The following WDFY2 variants were observed in gnomAD, a reference collection of about 807,000 sequenced individuals.
WDFY2 encodes the protein WD repeat and FYVE domain containing 2, also known as WD repeat and FYVE domain-containing protein 2.
In WDFY2, 36 loss-of-function variants were observed where a neutral mutation model predicts 56.4. The observed-to-expected ratio is 0.64, with a 90% CI of 0.49 to 0.84. The LOEUF (loss-of-function observed/expected upper bound fraction) is 0.84. Ranked by LOEUF, WDFY2 falls within the 40% of genes least tolerant of loss-of-function variation. WDFY2 has a pLI of 0.00. For missense variants in WDFY2, 444 were observed against 512.2 expected, an observed-to-expected ratio of 0.87 and a Z score of 1.29; for synonymous variants, 176 against 183.7, an observed-to-expected ratio of 0.96 and a Z score of 0.34.
At chr13:51,645,357 C>CA (rs904961707) in intron 1 of WDFY2, among the ~76,000 whole-genome samples, 27 of 152,126 alleles carry the variant, frequency 1.8e-4, no homozygotes, top group Non-Finnish European at 2.1e-4. Flanking sequence ...TCAGTTGTGG[C>CA]AAAAATAACA....
Position 51,758,300 on chromosome 13 carries a change from G to C in WDFY2, c.1173G>C (p.Lys391Asn), listed in dbSNP as rs1327284585. Reference sequence around the variant, plus strand: ...CTTCTGGAACTGACAAGGTTATTAAGGTAAGATGCCATCTTATTAAGAAGC... The same window carrying C: ...CTTCTGGAACTGACAAGGTTATTAACGTAAGATGCCATCTTATTAAGAAGC... The part of the protein sequence containing the change: ...LLTSGTDKVI[K>N]LWDMTPVVS Residue 391 changes from lysine (K) to asparagine (N), a missense_variant and splice_region_variant, in exon 11 of 12, where the codon AAG (lysine) becomes AAC (asparagine). By Grantham distance (94) the Lys-to-Asn change is moderately conservative (BLOSUM62 0). Transcript: ENST00000298125. The C allele has an allele frequency of 1.3e-6, 2 of 1,579,218 alleles. No individual in the cohort carries two copies. Among genetic ancestry groups the C allele is most frequent in the Non-Finnish European group, 8.7e-7 (1 of 1,153,072 alleles).
At chr13:51,612,043 C>G (rs898485322) in intron 1 of WDFY2, among the ~76,000 whole-genome samples, 8 of 152,052 alleles carry the variant, frequency 5.3e-5, no homozygotes, top group Non-Finnish European at 8.8e-5. Flanking sequence ...CTTCTTCTTA[C>G]CAGACAATAC....
At chr13:51,679,294 G>C (rs1208013720) in intron 3 of WDFY2, among the ~76,000 whole-genome samples, 4 of 152,296 alleles carry the variant, frequency 2.6e-5, no homozygotes, top group Admixed American at 1.3e-4. Flanking sequence ...GGATAGTATA[G>C]GGTGGAGAGA....
rs750467137 is a variant in WDFY2, at chr13:51,758,241, G to C, written c.1114G>C (p.Val372Leu). The C allele has an allele frequency of 1.2e-6, 2 of 1,602,234 alleles. No individual in the cohort carries two copies. The highest frequency in any genetic ancestry group is 1.7e-6 in the Non-Finnish European group (2 of 1,170,726). The change falls in exon 11 of 12, where the codon GTG (valine) becomes CTG (leucine). Residue 372 changes from valine (V) to leucine (L), a missense_variant. Val to Leu is a conservative substitution (Grantham distance 32, BLOSUM62 1). Coordinates refer to ENST00000298125, the MANE Select transcript of WDFY2 (RefSeq NM_052950.4). ...TGACAGTAAACATAACATTGTGCAT[G>C]TGCATTTCGATGCAACCAGAGGATG... Reference protein sequence around the residue: ...FHDSKHNIVHVHFDATRGWLL... With the variant: ...FHDSKHNIVHLHFDATRGWLL...
chr13:51,693,136 A>G (rs567656839), intron 3 of WDFY2, among the ~76,000 whole-genome samples: 302 of 152,192 alleles, frequency 2.0e-3, no homozygotes, highest in Non-Finnish European at 3.3e-3. Flanking sequence ...TGATCCTTTC[A>G]AAAAACCAGC....
intron 1 of WDFY2, among the ~76,000 whole-genome samples, chr13:51,616,326 G>T (rs1396526323): frequency 1.3e-5 from 2 of 152,180 alleles, no homozygotes; most frequent in Non-Finnish European, 2.9e-5. Context: ...TTCTGGGAGA[G>T]GTTGGGGAGC....
chr13:51,761,472 T>C lies in WDFY2; in HGVS notation c.*1703T>C, dbSNP rs1219707399. ...TCGGGAGCATCAGGGAGCTCACCAG[T>C]CTCTTGAGGATCACAGGCCAATTGC... is the stretch of plus-strand genomic sequence containing the variant. On this transcript the variant is annotated 3_prime_UTR_variant, in exon 12 of 12. Coordinates refer to ENST00000298125, the MANE Select transcript of WDFY2 (RefSeq NM_052950.4). The C allele has an allele frequency of 6.6e-6, 1 of 152,148 alleles. No homozygotes were observed. The highest frequency in any genetic ancestry group is 2.4e-5 in the African/African-American group (1 of 41,436). 9.4% of individuals were successfully genotyped at this position (152,148 alleles called of 1,614,324 possible). A position where few individuals can be genotyped will look rare whatever the true frequency, so the allele number is the denominator to read the frequency against.
At chr13:51,702,791 TA>T (rs1952010790) in intron 3 of WDFY2, among the ~76,000 whole-genome samples, 3 of 152,328 alleles carry the variant, frequency 2.0e-5, no homozygotes, top group African/African-American at 7.2e-5. Flanking sequence ...ATCAATTTAT[TA>T]TACTTTGCAG....
chr13:51,598,716 C>G (rs1277365212), intron 1 of WDFY2: 1 of 152,134 alleles, frequency 6.6e-6, no homozygotes, highest in South Asian at 2.1e-4. Flanking sequence ...AATTTTGCTA[C>G]TATATCAATG....
At chr13:51,713,966 G>C (rs952691754) in intron 4 of WDFY2, among the ~76,000 whole-genome samples, 2 of 151,980 alleles carry the variant, frequency 1.3e-5, no homozygotes, top group African/African-American at 4.8e-5. Context: ...CCCAGGAGAG[G>C]GGGAAATGGC....
At chr13:51,624,574 T>TG in intron 1 of WDFY2, among the ~76,000 whole-genome samples, 1 of 152,312 alleles carries the variant, frequency 6.6e-6, no homozygotes, top group East Asian at 1.9e-4. Flanking sequence ...CTTATGTTCT[T>TG]GGGGGGAAAA....
At chr13:51,596,804 C>T (rs1450987008) in intron 1 of WDFY2, among the ~76,000 whole-genome samples, 1 of 152,186 alleles carries the variant, frequency 6.6e-6, no homozygotes, top group Non-Finnish European at 1.5e-5. Context: ...GCTGCTTGGC[C>T]TTTTAATTAT....
At chr13:51,733,922 G>C (rs1291483140) in intron 6 of WDFY2, among the ~76,000 whole-genome samples, 2 of 152,208 alleles carry the variant, frequency 1.3e-5, no homozygotes. Context: ...GCTGGGTGAA[G>C]AGTTATGGAT....
chr13:51,594,872 G>C (rs964565784), intron 1 of WDFY2, among the ~76,000 whole-genome samples: 4 of 152,124 alleles, frequency 2.6e-5, no homozygotes, highest in African/African-American at 9.7e-5. Context: ...TTTATTTTTT[G>C]TTTATAACAC....
intron 1 of WDFY2, among the ~76,000 whole-genome samples, chr13:51,604,747 C>T (rs1173669963): frequency 6.6e-6 from 1 of 152,202 alleles, no homozygotes; most frequent in Non-Finnish European, 1.5e-5. Context: ...TTTTCATCAT[C>T]ACAGGAAGTT....
At chr13:51,612,698 T>C (rs571649984) in intron 1 of WDFY2, among the ~76,000 whole-genome samples, 1 of 152,356 alleles carries the variant, frequency 6.6e-6, no homozygotes, top group East Asian at 1.9e-4. Flanking sequence ...GTTGTATAGT[T>C]CTTTGTTAAT....
chr13:51,700,152 TGGA>T (rs1315026833), intron 3 of WDFY2, among the ~76,000 whole-genome samples: 1 of 152,112 alleles, frequency 6.6e-6, no homozygotes, highest in Non-Finnish European at 1.5e-5. Flanking sequence ...AAAAAAGACA[TGGA>T]GGGATACGCC....
rs1951847191 is a variant in WDFY2 at position 51,695,430 on chromosome 13, A to C, written c.280-8166A>C. On this transcript the variant is annotated intron_variant, in intron 3 of 11. Transcript: ENST00000298125. ...GGACCCTCAGCTGTATGTCTGTTGG[A>C]GTTTGCTAGAGGTCCACTCCAGACC... is the stretch of plus-strand genomic sequence containing the variant. 2.0e-5 allele frequency among the ~76,000 whole-genome samples: 3 copies of C among 152,062 alleles called. 1 individual carries two copies. The South Asian group carries it at 6.2e-4, about 32-fold the overall frequency.
chr13:51,758,068 G>T, intron 10 of WDFY2, 124 bp from the exon 11 acceptor site: 1 of 490,558 alleles, frequency 2.0e-6, no homozygotes, highest in East Asian at 3.0e-5. Context: ...GATCTGAGGA[G>T]CATTCCTGTC....
Sources: allele counts gnomAD v4.1 joint callset (sites outside exome capture counted in the v4.1 genomes callset), GRCh38; gene constraint gnomAD v4.1.1; transcripts MANE v1.5; gene names NCBI Gene and HGNC (gene_info 2026-07-23, HGNC 2026-07-21).